The following CNTN5 variants were observed in gnomAD, a reference collection of about 807,000 sequenced individuals.
CNTN5 encodes contactin-5.
In CNTN5, 77 loss-of-function variants were observed where a neutral mutation model predicts 129.1. The ratio of observed to expected loss-of-function variants is 0.60; its 90% CI spans 0.50 to 0.72. The LOEUF (loss-of-function observed/expected upper bound fraction) is 0.72. Ranked by LOEUF, CNTN5 falls within the 30% of genes least tolerant of loss-of-function variation. The probability of loss-of-function intolerance (pLI) is 0.00; values close to 1 mark genes in which losing one functional copy is unlikely to be tolerated. For missense variants in CNTN5, 1,478 were observed against 1,328.8 expected (o/e 1.11, Z -1.75); for synonymous variants, 509 against 465.6 (o/e 1.09, Z -1.20).
chr11:100,214,514 A>G (rs1282768217), intron 15 of CNTN5, among the ~76,000 whole-genome samples: 1 of 152,196 alleles, frequency 6.6e-6, no homozygotes, highest in Non-Finnish European at 1.5e-5. Flanking sequence ...ATGATGAATA[A>G]TGTGTTGCCC....
At chr11:99,904,343 C>G (rs977200671) in intron 6 of CNTN5, among the ~76,000 whole-genome samples, 1 of 151,884 alleles carries the variant, frequency 6.6e-6, no homozygotes, top group Admixed American at 6.6e-5. Context: ...TCCCCGTGTC[C>G]GTGTGTTCTC....
intron 13 of CNTN5, among the ~76,000 whole-genome samples, chr11:100,133,740 G>A (rs1420025766): frequency 6.6e-6 from 1 of 151,992 alleles, no homozygotes; most frequent in African/African-American, 2.4e-5. Context: ...AATCTGAAAG[G>A]GTCTAGACTA....
chr11:100,081,120 C>T (rs1452744087), intron 13 of CNTN5, among the ~76,000 whole-genome samples: 2 of 152,060 alleles, frequency 1.3e-5, no homozygotes, highest in African/African-American at 4.8e-5. Flanking sequence ...GAGTCACCTT[C>T]TTCATCTTTT....
chr11:99,423,406 T>C (rs1315944405), intron 2 of CNTN5, among the ~76,000 whole-genome samples: 2 of 152,222 alleles, frequency 1.3e-5, no homozygotes, highest in Non-Finnish European at 2.9e-5. Context: ...TCCTTGGTCG[T>C]TGAGAAAGAC....
chr11:99,747,529 G>C (rs904741617), intron 3 of CNTN5, among the ~76,000 whole-genome samples: 1 of 132,576 alleles, frequency 7.5e-6, no homozygotes, highest in African/African-American at 2.9e-5. Context: ...GCAGTGGCAC[G>C]ATCCCTGCTC....
chr11:99,290,235 A>G (rs979365392), intron 1 of CNTN5, among the ~76,000 whole-genome samples: 2 of 151,880 alleles, frequency 1.3e-5, no homozygotes, highest in Non-Finnish European at 3.0e-5. Flanking sequence ...CTTGTTTAAA[A>G]GTAGAAGATA....
chr11:99,249,106 T>C (rs1204572825), intron 1 of CNTN5, among the ~76,000 whole-genome samples: 1 of 152,196 alleles, frequency 6.6e-6, no homozygotes, highest in Non-Finnish European at 1.5e-5. Flanking sequence ...GAGCATGGAA[T>C]GTTCTTCCAT....
At chr11:99,932,958 C>G (rs1473705001) in intron 7 of CNTN5, among the ~76,000 whole-genome samples, 1 of 152,128 alleles carries the variant, frequency 6.6e-6, no homozygotes, top group African/African-American at 2.4e-5. Flanking sequence ...TCGATGTAGG[C>G]TACTGAGGCA....
At chr11:99,729,113 A>G (rs1371693445) in intron 3 of CNTN5, among the ~76,000 whole-genome samples, 1 of 152,192 alleles carries the variant, frequency 6.6e-6, no homozygotes, top group Non-Finnish European at 1.5e-5. Flanking sequence ...GTAGAAAGAT[A>G]GGCATCTTTA....
chr11:100,314,620 T>C (rs535894), intron 21 of CNTN5, among the ~76,000 whole-genome samples: 9,146 of 152,168 alleles, frequency 0.06, 377 homozygotes, highest in East Asian at 0.24. Context: ...CACTTGTCTC[T>C]GAAATCTTTG....
intron 3 of CNTN5, among the ~76,000 whole-genome samples, chr11:99,732,256 G>A: frequency 6.6e-6 from 1 of 150,622 alleles, no homozygotes; most frequent in East Asian, 2.0e-4. Context: ...TAATGGAATG[G>A]AAGTAATAGA....
intron 2 of CNTN5, among the ~76,000 whole-genome samples, chr11:99,429,374 C>A (rs1232411132): frequency 6.6e-6 from 1 of 152,082 alleles, no homozygotes; most frequent in Non-Finnish European, 1.5e-5. Flanking sequence ...GACTTTTATT[C>A]CACCCCTACT....
chr11:99,028,462 T>A (rs1158510297), intron 1 of CNTN5, among the ~76,000 whole-genome samples: 2 of 151,914 alleles, frequency 1.3e-5, no homozygotes, highest in African/African-American at 4.8e-5. Context: ...TTTTCAATAT[T>A]TCTCCTTCTG....
chr11:99,717,966 G>A (rs78397031), intron 3 of CNTN5, among the ~76,000 whole-genome samples: 12,442 of 152,030 alleles, frequency 0.082, 550 homozygotes, highest in Non-Finnish European at 0.099. Context: ...TTACCACTTC[G>A]TCCTGCAGGC....
intron 16 of CNTN5, among the ~76,000 whole-genome samples, chr11:100,250,799 CTTCT>C (rs1565372079): frequency 6.6e-6 from 1 of 152,066 alleles, no homozygotes; most frequent in Non-Finnish European, 1.5e-5. Flanking sequence ...GCAATATACC[CTTCT>C]TTAAGATGGC....
At chr11:100,024,151 C>A (rs1265068639) in intron 9 of CNTN5, among the ~76,000 whole-genome samples, 1 of 152,096 alleles carries the variant, frequency 6.6e-6, no homozygotes, top group Non-Finnish European at 1.5e-5. Context: ...ATCATGAAGG[C>A]AGTTTCCTTC....
intron 2 of CNTN5, among the ~76,000 whole-genome samples, chr11:99,349,941 G>A (rs551006770): frequency 6.6e-6 from 1 of 152,058 alleles, no homozygotes; most frequent in South Asian, 2.1e-4. Context: ...CATTTTAGAC[G>A]TGGACATAGT....
chr11:99,542,162 A>T (rs1468920265), intron 2 of CNTN5, among the ~76,000 whole-genome samples: 3 of 152,042 alleles, frequency 2.0e-5, no homozygotes, highest in South Asian at 2.1e-4. Context: ...ATCACCTCAA[A>T]CATTTATAAC....
chr11:99,564,283 G>A (rs1948936068), intron 3 of CNTN5, among the ~76,000 whole-genome samples: 1 of 151,922 alleles, frequency 6.6e-6, no homozygotes, highest in Non-Finnish European at 1.5e-5. Context: ...TGTAGAGATA[G>A]GGTGTCACTA....
Sources: gnomAD v4.1 joint callset for allele counts (sites outside exome capture counted in the v4.1 genomes callset) on GRCh38, gnomAD v4.1.1 for gene constraint, MANE v1.5 for transcripts, NCBI Gene and HGNC (gene_info 2026-07-23, HGNC 2026-07-21) for gene names.